POLA1: variants seen among roughly 807,000 people sequenced by gnomAD.
The protein encoded by POLA1 is DNA polymerase alpha 1, catalytic subunit.
POLA1 carries 15 observed loss-of-function variants against 124.0 expected under a neutral mutation model. The observed-to-expected ratio is 0.12, with a 90% CI of 0.08 to 0.19. POLA1 has a LOEUF of 0.19. Among genes scored for constraint, POLA1 ranks in the 10% least tolerant of loss-of-function variants. POLA1 has a pLI of 1.00. For synonymous variants in POLA1, 408 were observed against 389.4 expected, an observed-to-expected ratio of 1.05 and a Z score of -0.56; for missense variants, 886 against 1,103.4, an observed-to-expected ratio of 0.80 and a Z score of 2.79.
At chrX:24,790,253 G>A (rs757778551) in intron 26 of POLA1, among the ~76,000 whole-genome samples, 1 of 112,095 alleles carries the variant, frequency 8.9e-6, no homozygotes, top group African/African-American at 3.2e-5. Flanking sequence ...AACTATAGTT[G>A]CAGGAGGTTT....
chrX:24,907,930 A>G (rs938693367), intron 35 of POLA1, among the ~76,000 whole-genome samples: 4 of 112,331 alleles, frequency 3.6e-5, no homozygotes, highest in Non-Finnish European at 5.6e-5. Flanking sequence ...TACAGCATAA[A>G]GAGAGAAATG....
intron 34 of POLA1, among the ~76,000 whole-genome samples, chrX:24,874,008 T>A (rs1341009518): frequency 9.0e-6 from 1 of 111,678 alleles, no homozygotes; most frequent in South Asian, 3.8e-4. Context: ...GGCTCATATA[T>A]TAAGTAGCAT....
intron 15 of POLA1, among the ~76,000 whole-genome samples, chrX:24,728,996 C>G (rs1456505474): frequency 3.6e-5 from 4 of 111,858 alleles, no homozygotes; most frequent in Non-Finnish European, 7.5e-5. Context: ...ATAGGTGATG[C>G]AGTGTACTTC....
At chrX:24,761,256 A>T (rs1932788592) in intron 26 of POLA1, among the ~76,000 whole-genome samples, 3 of 111,869 alleles carry the variant, frequency 2.7e-5, no homozygotes, top group Non-Finnish European at 5.6e-5. Flanking sequence ...GAGGCTAGTG[A>T]TGAGATTGAT....
At chrX:24,903,971 T>G (rs1369274083) in intron 35 of POLA1, among the ~76,000 whole-genome samples, 2 of 105,100 alleles carry the variant, frequency 1.9e-5, no homozygotes, top group Non-Finnish European at 3.9e-5. Context: ...GTTCTTACTC[T>G]GTCAACCAGG....
rs1271624916 is a variant in POLA1 at position 24,851,198 on chromosome X, A to G, written c.4047+7521A>G. On this transcript the variant is annotated intron_variant, in intron 34 of 36. Coordinates refer to ENST00000379068, the MANE Select transcript of POLA1 (RefSeq NM_001330360.2). ...ATACTGCAGAATACTACAGCACAGA[A>G]TATTACAATAGCACAGAATACTGCA... 4.4e-5 allele frequency among the ~76,000 whole-genome samples: 5 copies of G among 112,494 alleles called. No individual in the cohort carries two copies. The Admixed American group carries it at 4.7e-4, about 11-fold the overall frequency.
At chrX:24,904,231 C>A (rs866522749) in intron 35 of POLA1, among the ~76,000 whole-genome samples, 3 of 110,521 alleles carry the variant, frequency 2.7e-5, no homozygotes, top group African/African-American at 9.9e-5. Context: ...CCGTGCCTAG[C>A]GATGACCAGA....
chrX:24,777,421 G>A (rs746519915), intron 26 of POLA1, among the ~76,000 whole-genome samples: 1 of 112,412 alleles, frequency 8.9e-6, no homozygotes, highest in East Asian at 2.8e-4. Context: ...TGTGTTAAAT[G>A]TTCTTGTTAA....
chrX:24,994,631 T>C (rs1046677376), intron 36 of POLA1, among the ~76,000 whole-genome samples: 9 of 110,636 alleles, frequency 8.1e-5, no homozygotes, highest in Non-Finnish European at 1.3e-4. Context: ...GAAGTGAGCC[T>C]CTCCTCAGGT....
At chrX:24,972,274 G>A (rs2048313781) in intron 36 of POLA1, among the ~76,000 whole-genome samples, 1 of 112,139 alleles carries the variant, frequency 8.9e-6, no homozygotes, top group Non-Finnish European at 1.9e-5. Context: ...CCTGGCCGGA[G>A]GATTTAATTT....
At chrX:24,759,251 A>G (rs749915566) in intron 26 of POLA1, among the ~76,000 whole-genome samples, 3 of 112,250 alleles carry the variant, frequency 2.7e-5, no homozygotes, top group Non-Finnish European at 5.6e-5. Context: ...TCTTATTACT[A>G]GATTTTTCAC....
chrX:24,963,855 A>G (rs747737813), intron 36 of POLA1, among the ~76,000 whole-genome samples: 5 of 111,984 alleles, frequency 4.5e-5, no homozygotes, highest in South Asian at 3.8e-4. Context: ...CCCCCAAACT[A>G]ATAACTCCCT....
At chrX:24,725,878 C>G in intron 12 of POLA1, 103 bp from the exon 13 acceptor site, 2 of 538,694 alleles carry the variant, frequency 3.7e-6, no homozygotes, top group Non-Finnish European at 3.0e-6. Context: ...CCTTTGTGTT[C>G]CATAAGGATT....
chrX:24,747,870 G>C (rs1370396973), intron 24 of POLA1, among the ~76,000 whole-genome samples: 1 of 110,099 alleles, frequency 9.1e-6, no homozygotes, highest in African/African-American at 3.3e-5. Context: ...AAGTAGCTGG[G>C]ACTACAGGCG....
chrX:24,860,893 T>C (rs2046706927), intron 34 of POLA1, among the ~76,000 whole-genome samples: 1 of 112,197 alleles, frequency 8.9e-6, no homozygotes, highest in Non-Finnish European at 1.9e-5. Context: ...CTCTGACTCC[T>C]TGGACAGCAG....
chrX:24,896,943 G>A lies in POLA1; in HGVS notation c.4164+8821G>A, dbSNP rs148171997. ...AAGGTGCTTAACATGCCCTTGATACGGTTCGAAGAGTTTGAAGAGTGCATT... is the reference window on the plus strand; with the variant it reads ...AAGGTGCTTAACATGCCCTTGATACAGTTCGAAGAGTTTGAAGAGTGCATT... On this transcript the variant is annotated intron_variant, in intron 35 of 36. Coordinates refer to ENST00000379068, the MANE Select transcript of POLA1 (RefSeq NM_001330360.2). Among the ~76,000 whole-genome samples the A allele has an allele frequency of 3.1e-3, 343 of 112,021 alleles. 2 individuals carry two copies. The highest frequency in any genetic ancestry group is 0.01 in the African/African-American group (318 of 30,841).
intron 6 of POLA1, among the ~76,000 whole-genome samples, chrX:24,715,589 C>T (rs2246865): frequency 4.1e-4 from 46 of 112,195 alleles, no homozygotes; most frequent in Non-Finnish European, 6.6e-4. Flanking sequence ...CCACTGTGCC[C>T]GGCCTGTTGA....
intron 20 of POLA1, among the ~76,000 whole-genome samples, chrX:24,740,258 C>T (rs1025401922): frequency 1.8e-5 from 2 of 111,688 alleles, no homozygotes; most frequent in Non-Finnish European, 3.8e-5. Context: ...CCCCACATGT[C>T]TGAGGCATCT....
intron 26 of POLA1, among the ~76,000 whole-genome samples, chrX:24,798,271 A>C (rs1196517544): frequency 9.0e-6 from 1 of 111,429 alleles, no homozygotes; most frequent in Non-Finnish European, 1.9e-5. Context: ...ATAAATGGGA[A>C]TATGTCATTT....
Sources: gnomAD v4.1 joint callset for allele counts (sites outside exome capture counted in the v4.1 genomes callset) on GRCh38, gnomAD v4.1.1 for gene constraint, MANE v1.5 for transcripts, NCBI Gene and HGNC (gene_info 2026-07-23, HGNC 2026-07-21) for gene names.